The following PHTF2 variants were observed in gnomAD, a reference collection of about 807,000 sequenced individuals.
The protein encoded by PHTF2 is putative homeodomain transcription factor 2.
PHTF2 carries 60 observed loss-of-function variants against 101.2 expected under a neutral mutation model. The ratio of observed to expected loss-of-function variants is 0.59; its 90% confidence interval spans 0.48 to 0.73. The LOEUF (loss-of-function observed/expected upper bound fraction) is 0.73, where lower values mean the gene tolerates loss of function less well. Ranked by LOEUF, PHTF2 falls within the 30% of genes least tolerant of loss-of-function variation. PHTF2 has a pLI of 0.00. For missense variants in PHTF2, 747 were observed against 908.7 expected, an observed-to-expected ratio of 0.82 and a Z score of 2.29; for synonymous variants, 311 against 307.3, an observed-to-expected ratio of 1.01 and a Z score of -0.13.
chr7:77,922,865 GAAAT>G (rs1803611293), intron 11 of PHTF2, 87 bp downstream of exon 10: 1 of 1,287,116 alleles, frequency 7.8e-7, no homozygotes, highest in Non-Finnish European at 1.0e-6. Flanking sequence ...AAAAATTGTT[GAAAT>G]AAATATTTCA....
At chr7:77,834,092 G>A (rs529662629) in intron 1 of PHTF2, among the ~76,000 whole-genome samples, 54 of 152,060 alleles carry the variant, frequency 3.6e-4, no homozygotes, top group Non-Finnish European at 1.9e-4. Flanking sequence ...CCTCTGATTA[G>A]CAGCAGTTAA....
At chr7:77,896,390 T>TA (rs202036199) in intron 5 of PHTF2, among the ~76,000 whole-genome samples, 3,185 of 149,936 alleles carry the variant, frequency 0.021, 91 homozygotes, top group African/African-American at 0.073. Context: ...ACACTATCTC[T>TA]AAAAAAAAAA....
At chr7:77,923,488 G>C in intron 11 of PHTF2, 1 of 985,240 alleles carries the variant, frequency 1.0e-6, no homozygotes, top group Non-Finnish European at 1.2e-6. Context: ...GCTGGAATAT[G>C]ATTGCCTTCA....
chr7:77,916,807 T>C (rs1352565794), intron 9 of PHTF2, among the ~76,000 whole-genome samples: 2 of 152,318 alleles, frequency 1.3e-5, no homozygotes, highest in Non-Finnish European at 2.9e-5. Context: ...TTATACTGTA[T>C]TGCTTAGGGA....
At chr7:77,916,316 T>A (rs1802922474) in intron 9 of PHTF2, among the ~76,000 whole-genome samples, 1 of 152,202 alleles carries the variant, frequency 6.6e-6, no homozygotes, top group African/African-American at 2.4e-5. Context: ...GAGGAATTAT[T>A]TAAACATCTA....
At chr7:77,933,411 C>T (rs974449486) in intron 12 of PHTF2, among the ~76,000 whole-genome samples, 1 of 152,100 alleles carries the variant, frequency 6.6e-6, no homozygotes, top group Non-Finnish European at 1.5e-5. Flanking sequence ...TTCAAGGGAA[C>T]AAGTGTTTCA....
chr7:77,860,959 C>T (rs1465984238), intron 3 of PHTF2, among the ~76,000 whole-genome samples: 1 of 152,126 alleles, frequency 6.6e-6, no homozygotes, highest in East Asian at 1.9e-4. Flanking sequence ...CCACCTCGGC[C>T]TCCCAAATTG....
intron 2 of PHTF2, among the ~76,000 whole-genome samples, chr7:77,851,809 T>G (rs1796784716): frequency 6.6e-6 from 1 of 152,142 alleles, no homozygotes; most frequent in Non-Finnish European, 1.5e-5. Flanking sequence ...GTTGTTTGAG[T>G]TTTTCAACTT....
chr7:77,840,440 A>G, intron 2 of PHTF2, 140 bp downstream of exon 2: 1 of 566,440 alleles, frequency 1.8e-6, no homozygotes. Context: ...TTACTTCTAA[A>G]TAAATTGGAA....
At chr7:77,955,694 T>G (rs1248028031) in exon 20 of PHTF2, 2 of 152,578 alleles carry the variant, frequency 1.3e-5, no homozygotes, top group African/African-American at 4.8e-5. Context: ...TATATACTCA[T>G]CTCACAAGTG....
At chr7:77,805,796 G>A (rs2150469619) in intron 1 of PHTF2, among the ~76,000 whole-genome samples, 1 of 152,330 alleles carries the variant, frequency 6.6e-6, no homozygotes, top group African/African-American at 2.4e-5. Flanking sequence ...AATTTATTGA[G>A]ACTTGTTTTA....
At chr7:77,954,608 CTG>C (rs1230124124) in intron 19 of PHTF2, among the ~76,000 whole-genome samples, 7,116 of 99,470 alleles carry the variant, frequency 0.072, 405 homozygotes, top group East Asian at 0.26. Context: ...TAAACAAGTA[CTG>C]TGTATATATA....
At chr7:77,817,694 A>T (rs1166802641) in intron 1 of PHTF2, among the ~76,000 whole-genome samples, 1 of 152,220 alleles carries the variant, frequency 6.6e-6, no homozygotes, top group Non-Finnish European at 1.5e-5. Flanking sequence ...AAACCATATC[A>T]ATTAGTGATG....
chr7:77,863,854 A>G (rs1014459364), intron 3 of PHTF2, among the ~76,000 whole-genome samples: 1 of 148,034 alleles, frequency 6.8e-6, no homozygotes, highest in Non-Finnish European at 1.5e-5. Context: ...TGGCACGATC[A>G]TGGCTCACTG....
At chr7:77,831,591 T>C (rs1205477513) in intron 1 of PHTF2, among the ~76,000 whole-genome samples, 1 of 152,234 alleles carries the variant, frequency 6.6e-6, no homozygotes, top group African/African-American at 2.4e-5. Context: ...TGCTTGTTTT[T>C]GTGTGATACA....
intron 2 of PHTF2, among the ~76,000 whole-genome samples, chr7:77,854,547 C>T (rs749052788): frequency 6.6e-6 from 1 of 152,110 alleles, no homozygotes; most frequent in Non-Finnish European, 1.5e-5. Context: ...CATCAAGCTC[C>T]CCTGCCCTAC....
At chr7:77,879,234 A>G (rs192928299) in intron 3 of PHTF2, among the ~76,000 whole-genome samples, 5 of 152,184 alleles carry the variant, frequency 3.3e-5, no homozygotes, top group Non-Finnish European at 4.4e-5. Flanking sequence ...AACTTCTTAG[A>G]GGCAGATTCT....
chr7:77,922,832 A>G (rs750544254), intron 11 of PHTF2, 54 bp downstream of exon 10: 1 of 1,300,672 alleles, frequency 7.7e-7, no homozygotes, highest in African/African-American at 1.5e-5. Context: ...TATGTTACTA[A>G]TTTATAACTT....
chr7:77,823,103 A>T (rs1584400206), intron 1 of PHTF2, among the ~76,000 whole-genome samples: 1 of 151,386 alleles, frequency 6.6e-6, no homozygotes, highest in East Asian at 2.0e-4. Flanking sequence ...ACGGGGTTTC[A>T]CCGTGTTAGC....
Sources: allele counts gnomAD v4.1 joint callset (sites outside exome capture counted in the v4.1 genomes callset), GRCh38; gene constraint gnomAD v4.1.1; transcripts MANE v1.5; gene names NCBI Gene and HGNC (gene_info 2026-07-23, HGNC 2026-07-21).